The following CNBP variants were observed in gnomAD, a reference collection of about 807,000 sequenced individuals.
The protein encoded by CNBP is CCHC-type zinc finger nucleic acid binding protein.
Under a neutral mutation model 21.2 loss-of-function variants are expected in CNBP, and 6 were observed. The observed-to-expected ratio is 0.28, with a 90% confidence interval of 0.16 to 0.56. The LOEUF (loss-of-function observed/expected upper bound fraction) is 0.56, where lower values mean the gene tolerates loss of function less well. CNBP is among the 20% of genes least tolerant of loss of function. The pLI, the probability that CNBP is intolerant of heterozygous loss-of-function variation, is 0.93. For synonymous variants in CNBP, 61 were observed against 74.9 expected, an observed-to-expected ratio of 0.81 and a Z score of 0.96; for missense variants, 112 against 233.1, an observed-to-expected ratio of 0.48 and a Z score of 3.38.
chr3:129,172,687 G>GACACACAC (rs1187373246), intron 1 of CNBP, among the ~76,000 whole-genome samples: 2 of 94,204 alleles, frequency 2.1e-5, no homozygotes, highest in Admixed American at 1.3e-4. Flanking sequence ...CAGACAGACA[G>GACACACAC]ACAGACAGAC....
At chr3:129,179,086 T>C (rs1026818287) in intron 1 of CNBP, among the ~76,000 whole-genome samples, 3 of 151,950 alleles carry the variant, frequency 2.0e-5, no homozygotes, top group Admixed American at 6.6e-5. Flanking sequence ...AGGACCAGCC[T>C]GACCAACATG....
At chr3:129,180,747 GA>G (rs1938234147) in intron 1 of CNBP, among the ~76,000 whole-genome samples, 1 of 149,068 alleles carries the variant, frequency 6.7e-6, no homozygotes, top group Non-Finnish European at 1.5e-5. Flanking sequence ...GCTAGGAAGA[GA>G]AAAAGGAACC....
In CNBP at chr3:129,168,429, C is replaced by T. The variant is rs1324511085; in HGVS notation, c.*2024G>A. Among the ~76,000 whole-genome samples, 4 of 148,022 alleles carry T rather than the reference C, an allele frequency of 2.7e-5. No homozygotes were observed. The highest frequency in any genetic ancestry group is 1.0e-4 in the African/African-American group (4 of 40,018). ...TGACCAACACAGTGAAACCCCATCT[C>T]TACTAAAAATAACAAAAATTAGCTG... On this transcript the variant is annotated 3_prime_UTR_variant, in exon 5 of 5. Coordinates refer to ENST00000422453, the MANE Select transcript of CNBP (RefSeq NM_003418.5).
chr3:129,178,749 AT>A (rs538954518), intron 1 of CNBP, among the ~76,000 whole-genome samples: 437 of 144,510 alleles, frequency 3.0e-3, no homozygotes, highest in African/African-American at 3.0e-3. Flanking sequence ...AACACTTCAG[AT>A]TTTTTTTTTT....
intron 1 of CNBP, among the ~76,000 whole-genome samples, chr3:129,178,573 T>G (rs1938078352): frequency 6.6e-6 from 1 of 152,204 alleles, no homozygotes; most frequent in South Asian, 2.1e-4. Flanking sequence ...ACATTCACAT[T>G]TGTATATATG....
chr3:129,173,915 T>A (rs1270602384), intron 1 of CNBP, among the ~76,000 whole-genome samples: 1 of 152,068 alleles, frequency 6.6e-6, no homozygotes, highest in African/African-American at 2.4e-5. Context: ...GTCCGAAAAA[T>A]GGCAAGGTTC....
intron 1 of CNBP, among the ~76,000 whole-genome samples, chr3:129,172,695 G>GACAGACACAC (rs1553787468): frequency 1.3e-5 from 1 of 78,814 alleles, no homozygotes; most frequent in Admixed American, 1.4e-4. Context: ...CAGACAGACA[G>GACAGACACAC]ACACACACAC....
At position 129,181,649 on chromosome 3, in the gene CNBP, C is replaced by CAAAAAAAAAAAAAAAAAAAAA. The variant is rs1367375702; in HGVS notation, c.-15+2126_-15+2127insTTTTTTTTTTTTTTTTTTTTT. On this transcript the variant is annotated intron_variant, in intron 1 of 4. Coordinates refer to ENST00000422453, the MANE Select transcript of CNBP (RefSeq NM_003418.5). The stretch of plus-strand genomic sequence containing the variant: ...TGGGCGACAGAGTGAGACTCCGTCT[C>CAAAAAAAAAAAAAAAAAAAAA]AGAAAAAAAAAAAGAAAAACCCCTG... Among the ~76,000 whole-genome samples the CAAAAAAAAAAAAAAAAAAAAA allele has an allele frequency of 2.9e-3, 211 of 72,194 alleles. 62 individuals carry two copies. Among genetic ancestry groups the CAAAAAAAAAAAAAAAAAAAAA allele is most frequent in the African/African-American group, 0.012 (170 of 14,186 alleles). 47.4% of individuals were successfully genotyped at this position (72,194 alleles called of 152,430 possible). A position where few individuals can be genotyped will look rare whatever the true frequency, so the allele number is the denominator to read the frequency against.
At chr3:129,175,932 C>T (rs576620830) in intron 1 of CNBP, among the ~76,000 whole-genome samples, 267 of 152,286 alleles carry the variant, frequency 1.8e-3, no homozygotes, top group Non-Finnish European at 3.6e-3. Context: ...CTAACCCTAT[C>T]GCAGTGAATC....
At chr3:129,175,183 C>T (rs181510646) in intron 1 of CNBP, among the ~76,000 whole-genome samples, 59 of 151,786 alleles carry the variant, frequency 3.9e-4, no homozygotes, top group African/African-American at 1.3e-3. Context: ...ATTACCCAGG[C>T]GTGGTGGTAA....
chr3:129,169,076 T>C lies in CNBP; in HGVS notation c.*1377A>G, dbSNP rs961499502. The stretch of plus-strand genomic sequence containing the variant: ...GAGATCGCACCACTACACTCCAGCC[T>C]GGGCAACAGAGCGACACTCTGTCTC... On this transcript the variant is annotated 3_prime_UTR_variant, in exon 5 of 5. Coordinates refer to ENST00000422453, the MANE Select transcript of CNBP (RefSeq NM_003418.5). Among the ~76,000 whole-genome samples, 2 of 148,364 alleles carry C rather than the reference T, an allele frequency of 1.3e-5. No individual in the cohort carries two copies. Among genetic ancestry groups the C allele is most frequent in the African/African-American group, 5.0e-5 (2 of 39,812 alleles).
chr3:129,172,668 A>AGCCAGGCAGGCAGG (rs1560035054), intron 1 of CNBP, among the ~76,000 whole-genome samples: 3 of 112,096 alleles, frequency 2.7e-5, no homozygotes, highest in Admixed American at 9.1e-5. Flanking sequence ...AGACAGACAG[A>AGCCAGGCAGGCAGG]CAGACAGACA....
At chr3:129,176,583 C>T (rs1937920636) in intron 1 of CNBP, among the ~76,000 whole-genome samples, 1 of 152,180 alleles carries the variant, frequency 6.6e-6, no homozygotes, top group South Asian at 2.1e-4. Flanking sequence ...TAATCAAGTA[C>T]TAACAACAAA....
At chr3:129,172,611 GGCAGA>G (rs1560034638) in intron 1 of CNBP, among the ~76,000 whole-genome samples, 104 of 26,040 alleles carry the variant, frequency 4.0e-3, no homozygotes, top group Admixed American at 8.4e-3. Flanking sequence ...CAGGCAGACA[GGCAGA>G]CAGGCAGCCA....
At chr3:129,173,217 A>G (rs566597749) in intron 1 of CNBP, among the ~76,000 whole-genome samples, 3 of 152,170 alleles carry the variant, frequency 2.0e-5, no homozygotes, top group Non-Finnish European at 4.4e-5. Context: ...CAGCATTTAC[A>G]TTGTGTTAGG....
chr3:129,171,871 G>A (rs1333597564), intron 1 of CNBP, 100 bp from the exon 2 acceptor site: 1 of 1,293,184 alleles, frequency 7.7e-7, no homozygotes, highest in Non-Finnish European at 1.1e-6. Context: ...GGGGAAAAAA[G>A]CTAGCTAATA....
intron 1 of CNBP, among the ~76,000 whole-genome samples, chr3:129,172,639 G>GACA (rs1937615424): frequency 1.7e-5 from 1 of 57,876 alleles, no homozygotes; most frequent in Non-Finnish European, 3.8e-5. Flanking sequence ...CAGGCAGGCA[G>GACA]GCAGGCAGGC....
chr3:129,177,926 G>C (rs993066492), intron 1 of CNBP, among the ~76,000 whole-genome samples: 2 of 152,128 alleles, frequency 1.3e-5, no homozygotes, highest in Non-Finnish European at 2.9e-5. Context: ...TTGGGAGGCC[G>C]AGGCAGATGC....
chr3:129,172,369 G>A (rs1937588882), intron 1 of CNBP, among the ~76,000 whole-genome samples: 1 of 151,380 alleles, frequency 6.6e-6, no homozygotes, highest in Non-Finnish European at 1.5e-5. Context: ...ACCATCTGAG[G>A]TCAGGAGTTT....
Sources: gnomAD v4.1 joint callset for allele counts (sites outside exome capture counted in the v4.1 genomes callset) on GRCh38, gnomAD v4.1.1 for gene constraint, MANE v1.5 for transcripts, NCBI Gene and HGNC (gene_info 2026-07-23, HGNC 2026-07-21) for gene names.